SUSD4: variants seen among roughly 807,000 people sequenced by gnomAD.
SUSD4 encodes the protein sushi domain containing 4.
Under a neutral mutation model 50.5 loss-of-function variants are expected in SUSD4, and 41 were observed. The observed-to-expected ratio is 0.81, with a 90% CI of 0.63 to 1.05. SUSD4 has a LOEUF of 1.05. SUSD4 is among the 50% of genes least tolerant of loss of function. SUSD4 has a pLI of 0.00. For missense variants in SUSD4, 580 were observed against 634.7 expected (o/e 0.91, Z 0.93); for synonymous variants, 257 against 257.3 (o/e 1.00, Z 0.01).
chr1:223,248,040 C>T (rs1661057690), intron 5 of SUSD4, among the ~76,000 whole-genome samples: 1 of 152,200 alleles, frequency 6.6e-6, no homozygotes, highest in Admixed American at 6.5e-5. Flanking sequence ...AATTGGTACT[C>T]TCTAGCAACA....
chr1:223,316,455 A>G (rs905143324), intron 2 of SUSD4, among the ~76,000 whole-genome samples: 1 of 152,092 alleles, frequency 6.6e-6, no homozygotes, highest in African/African-American at 2.4e-5. Flanking sequence ...CCACATGGGA[A>G]CCTGGAGGAA....
chr1:223,264,207 A>T, intron 5 of SUSD4: 1 of 985,476 alleles, frequency 1.0e-6, no homozygotes, highest in Non-Finnish European at 1.2e-6. Context: ...GTGTGCTTGC[A>T]GCAAAACATT....
chr1:223,306,021 A>AT (rs1665515543), intron 2 of SUSD4, among the ~76,000 whole-genome samples: 1 of 152,246 alleles, frequency 6.6e-6, no homozygotes, highest in South Asian at 2.1e-4. Context: ...ATGTCTGAAC[A>AT]AGTAAACGTC....
At chr1:223,256,759 G>A (rs1437836060) in intron 5 of SUSD4, among the ~76,000 whole-genome samples, 5 of 152,152 alleles carry the variant, frequency 3.3e-5, no homozygotes, top group Non-Finnish European at 5.9e-5. Context: ...CATTCTGTCT[G>A]AGGAAATGGA....
In SUSD4 at chr1:223,229,160, G is replaced by C; in HGVS notation, c.916+37C>G. 6.4e-7 allele frequency: 1 copy of C among 1,568,576 alleles called. No homozygotes were observed. The highest frequency in any genetic ancestry group is 8.7e-7 in the Non-Finnish European group (1 of 1,146,976). ...CACTATGTGCAGATGGTCCAAGGAG[G>C]GTCCATCTCCTCCAAGGGTGAGGCC... On this transcript the variant is annotated intron_variant, in intron 6 of 8. Transcript: ENST00000366878. This position sits in a 1 kb window ranked among gnomAD's most constrained non-coding sequence, Gnocchi z 4.7.
At chr1:223,253,999 G>A (rs950068511) in intron 5 of SUSD4, among the ~76,000 whole-genome samples, 2 of 152,182 alleles carry the variant, frequency 1.3e-5, no homozygotes, top group Non-Finnish European at 2.9e-5. Context: ...AATAGGAGGG[G>A]ACTACAGGGC....
At chr1:223,336,662 A>G (rs758825924) in intron 2 of SUSD4, among the ~76,000 whole-genome samples, 6 of 152,068 alleles carry the variant, frequency 3.9e-5, no homozygotes, top group Non-Finnish European at 8.8e-5. Flanking sequence ...GGCTTCATTT[A>G]TGCAGTAGTA....
chr1:223,267,967 C>A (rs865788355), intron 4 of SUSD4, among the ~76,000 whole-genome samples: 9 of 133,968 alleles, frequency 6.7e-5, no homozygotes, highest in African/African-American at 2.6e-4. Flanking sequence ...CCAGCTTGTT[C>A]GGATGAAATT....
chr1:223,287,055 C>T (rs1340251662), intron 3 of SUSD4, among the ~76,000 whole-genome samples: 2 of 152,138 alleles, frequency 1.3e-5, no homozygotes, highest in East Asian at 1.9e-4. Context: ...GGGATGGGCT[C>T]GACTTACAGA....
At chr1:223,250,426 G>C (rs541667643) in intron 5 of SUSD4, among the ~76,000 whole-genome samples, 3 of 152,284 alleles carry the variant, frequency 2.0e-5, no homozygotes, top group African/African-American at 7.2e-5. Context: ...TTGCAGAGCA[G>C]GTGTTGCTAT....
At chr1:223,263,379 T>C (rs1662256925) in intron 5 of SUSD4, among the ~76,000 whole-genome samples, 1 of 152,206 alleles carries the variant, frequency 6.6e-6, no homozygotes, top group African/African-American at 2.4e-5. Context: ...GAAAGAATAA[T>C]TTTTTATACT....
chr1:223,247,391 C>T (rs1661011754), intron 5 of SUSD4, among the ~76,000 whole-genome samples: 1 of 152,218 alleles, frequency 6.6e-6, no homozygotes, highest in African/African-American at 2.4e-5. Flanking sequence ...ACCCTGAAGC[C>T]AGCAGAGCTT....
At chr1:223,264,195 G>A in intron 5 of SUSD4, 1 of 985,422 alleles carries the variant, frequency 1.0e-6, no homozygotes, top group South Asian at 4.7e-5. Flanking sequence ...AGGCATCCAA[G>A]GGTGTGCTTG....
intron 5 of SUSD4, among the ~76,000 whole-genome samples, chr1:223,253,770 A>G (rs1661498427): frequency 6.6e-6 from 1 of 152,218 alleles, no homozygotes; most frequent in African/African-American, 2.4e-5. Context: ...GCAGGGATAG[A>G]GAAGATACTC....
At position 223,317,222 on chromosome 1, in the gene SUSD4, T is replaced by C. The variant is rs1023251523; in HGVS notation, c.149-24571A>G. On this transcript the variant is annotated intron_variant, in intron 2 of 8. Transcript: ENST00000366878. Reference sequence around the variant, plus strand: ...ACCAAAACCAAGATGACGACAAGAGTGGTCTCTGGTCATCCTCACTGCTAC... The same window carrying C: ...ACCAAAACCAAGATGACGACAAGAGCGGTCTCTGGTCATCCTCACTGCTAC... Among the ~76,000 whole-genome samples the C allele has an allele frequency of 5.3e-5, 8 of 152,018 alleles. No individual in the cohort carries two copies. In the East Asian group the frequency reaches 1.4e-3, roughly 26 times the overall value.
rs549063567 is a variant in SUSD4, at chr1:223,258,770, T to C, written c.724+5860A>G. Among the ~76,000 whole-genome samples, 28 of 152,260 alleles carry C rather than the reference T, an allele frequency of 1.8e-4. 1 individual carries two copies. The highest frequency in any genetic ancestry group is 6.7e-4 in the African/African-American group (28 of 41,550). On this transcript the variant is annotated intron_variant, in intron 5 of 8. Coordinates refer to ENST00000366878, the MANE Select transcript of SUSD4 (RefSeq NM_017982.4). ...CCCCTGTTTCGGAAAAGCAAACAAA[T>C]GAGCAGACCAGACTCCCTGGGGCCT...
At position 223,227,520 on chromosome 1, in the gene SUSD4, T is replaced by G. The variant is rs763873232; in HGVS notation, c.1061+74A>C. The G allele has an allele frequency of 5.9e-5, 92 of 1,557,086 alleles. No homozygotes were observed. The Middle Eastern group carries it at 6.8e-4, about 11-fold the overall frequency. ...AGAGCTTCAACTTTTCACTCATCAC[T>G]TTCTCCCTCTGCTGCTAAGGGTAGC... On this transcript the variant is annotated intron_variant, in intron 7 of 8. Transcript: ENST00000366878. The surrounding 1 kb of genome is among the most constrained non-coding windows in gnomAD (Gnocchi z 4.5).
Position 223,264,646 on chromosome 1 carries a change from C to G in SUSD4, c.708G>C (p.Arg236=). The G allele has an allele frequency of 6.2e-7, 1 of 1,614,032 alleles. No individual in the cohort carries two copies. The highest frequency in any genetic ancestry group is 8.5e-7 in the Non-Finnish European group (1 of 1,179,976). The change falls in exon 5 of 9, where the codon CGG becomes CGC. Residue 236 remains arginine, a synonymous_variant. Transcript: ENST00000366878. ...QNLIWSSSPP[R]CLALEVCPLP... ...ATGTGTTACCTTCCAGAGCAAGGCACCGGGGTGGGCTGGACGACCAGATAA... is the reference window on the plus strand; with the variant it reads ...ATGTGTTACCTTCCAGAGCAAGGCAGCGGGGTGGGCTGGACGACCAGATAA...
chr1:223,300,779 C>T (rs774890050), intron 2 of SUSD4, among the ~76,000 whole-genome samples: 1 of 152,150 alleles, frequency 6.6e-6, no homozygotes, highest in Non-Finnish European at 1.5e-5. Context: ...GGAATCAAGA[C>T]CAACCCCAAA....
Sources: allele counts gnomAD v4.1 joint callset (sites outside exome capture counted in the v4.1 genomes callset), GRCh38; gene constraint gnomAD v4.1.1; non-coding constraint Gnocchi (gnomAD v3.1); transcripts MANE v1.5; gene names NCBI Gene and HGNC (gene_info 2026-07-23, HGNC 2026-07-21).